Variants in TAS1R1 observed in about 807,000 individuals in gnomAD.
TAS1R1 encodes taste receptor type 1 member 1.
TAS1R1 carries 31 observed loss-of-function variants against 45.8 expected under a neutral mutation model. The ratio of observed to expected loss-of-function variants is 0.68; its 90% CI spans 0.51 to 0.91. The LOEUF is 0.91. TAS1R1 is among the 40% of genes least tolerant of loss of function. The probability of loss-of-function intolerance (pLI) is 0.00; values close to 1 mark genes in which losing one functional copy is unlikely to be tolerated. For missense variants in TAS1R1, 1,051 were observed against 1,063.9 expected (o/e 0.99, Z 0.17); for synonymous variants, 437 against 448.4 (o/e 0.97, Z 0.32).
rs368555479 is a variant in TAS1R1, at chr1:6,574,948, T to G, written c.816T>G (p.Val272=). The G allele has an allele frequency of 6.9e-5, 111 of 1,610,024 alleles. No individual in the cohort carries two copies. Among genetic ancestry groups the G allele is most frequent in the Non-Finnish European group, 8.3e-5 (98 of 1,176,848 alleles). Residue 272 remains valine (V), a synonymous_variant, in exon 3 of 6, where the codon GTT becomes GTG. Transcript: ENST00000333172. The surrounding 1 kb of genome is among the most constrained non-coding windows in gnomAD (Gnocchi z 4.3). ...HLAQAGATVV[V]VFSSRQLARV... ...CCCAGGCCGGGGCCACCGTCGTGGT[T>G]GTTTTTTCCAGCCGGCAGTTGGCCA...
chr1:6,561,058 AG>A (rs1252892100), intron 1 of TAS1R1, among the ~76,000 whole-genome samples: 2 of 151,276 alleles, frequency 1.3e-5, no homozygotes, highest in Non-Finnish European at 2.9e-5. Flanking sequence ...TTGTTCTTGA[AG>A]TAGCATCATG....
chr1:6,573,913 TCG>T (rs1054415268), intron 2 of TAS1R1, among the ~76,000 whole-genome samples: 1 of 152,090 alleles, frequency 6.6e-6, no homozygotes, highest in African/African-American at 2.4e-5. Context: ...TCCACCCACC[TCG>T]GCCTCCCAAT....
intron 1 of TAS1R1, among the ~76,000 whole-genome samples, chr1:6,564,593 T>C (rs149804967): frequency 5.5e-4 from 83 of 152,206 alleles, no homozygotes; most frequent in South Asian, 2.5e-3. Flanking sequence ...CAACTTTTCC[T>C]GATGACTGGG....
intron 4 of TAS1R1, 27 bp from the exon 5 acceptor site, chr1:6,576,923 A>G (rs201948017): frequency 1.4e-5 from 23 of 1,614,178 alleles, no homozygotes; most frequent in Admixed American, 1.3e-4. Context: ...TTGGGCCCCT[A>G]CGTGTGGCCC....
intron 3 of TAS1R1, 113 bp downstream of exon 3, chr1:6,575,505 T>G (rs1640144535): frequency 8.1e-7 from 1 of 1,238,836 alleles, no homozygotes; most frequent in Non-Finnish European, 1.1e-6. Context: ...TGCCACTAAC[T>G]TGAGGTTTTT....
chr1:6,568,517 A>G (rs1257146512), intron 1 of TAS1R1, among the ~76,000 whole-genome samples: 1 of 27,712 alleles, frequency 3.6e-5, no homozygotes, highest in Admixed American at 5.8e-4. Context: ...CGATGCAGGT[A>G]TATTTTTGGA....
At position 6,562,538 on chromosome 1, in the gene TAS1R1, A is replaced by G. The variant is rs1639808446; in HGVS notation, c.191+6974A>G. Among the ~76,000 whole-genome samples the G allele has an allele frequency of 3.3e-5, 5 of 152,188 alleles. No individual in the cohort carries two copies. The South Asian group carries it at 1.0e-3, about 32-fold the overall frequency. On this transcript the variant is annotated intron_variant, in intron 1 of 5. Transcript: ENST00000333172. ...CTCTTTTACATTATGTCAGACATGCAAACCCTGCCTCAGCTCCTCTCCCAA... is the reference window on the plus strand; with the variant it reads ...CTCTTTTACATTATGTCAGACATGCGAACCCTGCCTCAGCTCCTCTCCCAA...
At chr1:6,570,050 A>C (rs951568050) in intron 1 of TAS1R1, among the ~76,000 whole-genome samples, 1 of 149,334 alleles carries the variant, frequency 6.7e-6, no homozygotes, top group Non-Finnish European at 1.5e-5. Flanking sequence ...AGAGAGAGAG[A>C]GTGAGTCCTC....
At chr1:6,567,229 G>A (rs928607936) in intron 1 of TAS1R1, among the ~76,000 whole-genome samples, 3 of 152,160 alleles carry the variant, frequency 2.0e-5, no homozygotes, top group Non-Finnish European at 4.4e-5. Flanking sequence ...AACTGAGACT[G>A]AGGCAAGGCC....
In TAS1R1 at chr1:6,575,382, A is replaced by G. The variant is rs1353391099; in HGVS notation, c.1250A>G (p.Tyr417Cys). ...ASGACSRGRV[Y>C]PWQLLEQIHK... ...GGAGCTTGTTCCAGGGGCCGAGTCT[A>G]CCCCTGGCAGGTAAGAGAGCCCACC... The change falls in exon 3 of 6, where the codon TAC (tyrosine) becomes TGC (cysteine). Residue 417 changes from tyrosine to cysteine, a missense_variant. Transcript: ENST00000333172. 7 of 1,563,678 alleles carry G rather than the reference A, an allele frequency of 4.5e-6. No homozygotes were observed. The African/African-American group carries it at 9.6e-5, about 21-fold the overall frequency.
At chr1:6,576,837 C>G in intron 4 of TAS1R1, 113 bp from the exon 5 acceptor site, 1 of 1,550,792 alleles carries the variant, frequency 6.4e-7, no homozygotes, top group African/African-American at 1.4e-5. Context: ...ACCAGGGGCC[C>G]TGCCCTGGGA....
intron 1 of TAS1R1, among the ~76,000 whole-genome samples, chr1:6,556,489 C>G (rs1237436512): frequency 6.6e-6 from 1 of 152,188 alleles, no homozygotes. Flanking sequence ...CAACCTCCTC[C>G]TCCTGGGCTC....
chr1:6,570,116 G>T (rs879728960), intron 1 of TAS1R1, among the ~76,000 whole-genome samples: 4 of 151,974 alleles, frequency 2.6e-5, no homozygotes, highest in South Asian at 4.1e-4. Context: ...AAAATGTAAG[G>T]TTAGCCAAGA....
In TAS1R1 at chr1:6,573,186, C is replaced by T. The variant is rs1262073189; in HGVS notation, c.499-1445C>T. ...GCAAGTCCCGGCCGGGCACCGGGCG[C>T]GGGGGCTCACGCCTGTAATCCCAGC... On this transcript the variant is annotated intron_variant, in intron 2 of 5. Transcript: ENST00000333172. 8.8e-5 allele frequency among the ~76,000 whole-genome samples: 13 copies of T among 148,116 alleles called. No individual in the cohort carries two copies. The East Asian group carries it at 1.5e-3, about 18-fold the overall frequency.
rs946613202 is a variant in TAS1R1 at position 6,575,364 on chromosome 1, GT to G, written c.1234del (p.Ser412ProfsTer40). On this transcript the variant is annotated frameshift_variant, in exon 3 of 6. Transcript: ENST00000333172. LOFTEE classifies it high-confidence loss of function. ...HQLLGCASGA[C>X]SRGRVYPWQL... ...CTCCTGGGCTGTGCCTCTGGAGCTT[GT>G]TCCAGGGGCCGAGTCTACCCCTGGC... 50 of 1,586,826 alleles carry G rather than the reference GT, an allele frequency of 3.2e-5. No individual in the cohort carries two copies. The highest frequency in any genetic ancestry group is 4.2e-5 in the Non-Finnish European group (49 of 1,168,272).
chr1:6,576,898 G>A lies in TAS1R1; in HGVS notation c.1474-52G>A. 2.5e-6 allele frequency: 4 copies of A among 1,613,398 alleles called. No individual in the cohort carries two copies. The South Asian group carries it at 4.4e-5, about 18-fold the overall frequency. On this transcript the variant is annotated intron_variant, in intron 4 of 5. Transcript: ENST00000333172. ...AGATTCTGTTTTCTGTTCCACATGT[G>A]AGCTGTCCTTTGACTTGGGCCCCTA...
chr1:6,577,788 A>G (rs1016153872), intron 5 of TAS1R1, among the ~76,000 whole-genome samples: 2 of 152,128 alleles, frequency 1.3e-5, no homozygotes, highest in Admixed American at 1.3e-4. Context: ...AGATTGCACC[A>G]TTGCACTCCA....
Position 6,578,999 on chromosome 1 carries a change from C to T in TAS1R1, c.1941C>T (p.Ser647=). 1 of 1,614,114 alleles carries T rather than the reference C, an allele frequency of 6.2e-7. No homozygotes were observed. The highest frequency in any genetic ancestry group is 8.5e-7 in the Non-Finnish European group (1 of 1,179,960). The part of the protein sequence containing the change: ...LFALGFTIFL[S]CLTVRSFQLI... Reference sequence around the variant, plus strand: ...CCCTTGGTTTCACCATCTTCCTGTCCTGCCTGACAGTTCGCTCATTCCAAC... The same window carrying T: ...CCCTTGGTTTCACCATCTTCCTGTCTTGCCTGACAGTTCGCTCATTCCAAC... The change falls in exon 6 of 6, where the codon TCC becomes TCT. Residue 647 remains serine, a synonymous_variant. Transcript: ENST00000333172.
rs964997813 is a variant in TAS1R1, at chr1:6,555,313, A to G, written c.-61A>G. The G allele has an allele frequency of 1.4e-6, 2 of 1,456,546 alleles. No homozygotes were observed. Among genetic ancestry groups the G allele is most frequent in the Middle Eastern group, 2.4e-4 (1 of 4,118 alleles). 90.2% of individuals were successfully genotyped at this position (1,456,546 alleles called of 1,614,324 possible). The stretch of plus-strand genomic sequence containing the variant: ...AGCATCCGGCAGCTGCCTTCTATTT[A>G]AGCAACTGGCCTCCTTAGAGGCCAC... On this transcript the variant is annotated 5_prime_UTR_variant, in exon 1 of 6. Transcript: ENST00000333172.
Sources: gnomAD v4.1 joint callset for allele counts (sites outside exome capture counted in the v4.1 genomes callset) on GRCh38, gnomAD v4.1.1 for gene constraint, Gnocchi (gnomAD v3.1) non-coding constraint, MANE v1.5 for transcripts, NCBI Gene and HGNC (gene_info 2026-07-23, HGNC 2026-07-21) for gene names.